Variants in ADK observed in about 807,000 individuals in gnomAD.
The protein encoded by ADK is adenosine kinase, also known as N6,N6-dimethyladenosine kinase.
ADK carries 24 observed loss-of-function variants against 44.7 expected under a neutral mutation model. That is an observed-to-expected ratio of 0.54 (90% CI 0.39 to 0.76). The LOEUF (loss-of-function observed/expected upper bound fraction) is 0.76. Among genes scored for constraint, ADK ranks in the 30% least tolerant of loss-of-function variants. The pLI is 0.00. For missense variants in ADK, 321 were observed against 425.1 expected, an observed-to-expected ratio of 0.76 and a Z score of 2.15; for synonymous variants, 128 against 142.6, an observed-to-expected ratio of 0.90 and a Z score of 0.73.
chr10:74,498,874 G>T (rs903280210), intron 6 of ADK, among the ~76,000 whole-genome samples: 5 of 152,176 alleles, frequency 3.3e-5, no homozygotes, highest in African/African-American at 9.7e-5. Flanking sequence ...ATACTATGCA[G>T]CCATAAAAAA....
chr10:74,296,065 CCT>C (rs1839800882), intron 3 of ADK, among the ~76,000 whole-genome samples: 1 of 74,628 alleles, frequency 1.3e-5, no homozygotes, highest in Non-Finnish European at 3.0e-5. Flanking sequence ...GTATTTAGCT[CCT>C]TTTTTTTTTT....
intron 4 of ADK, among the ~76,000 whole-genome samples, chr10:74,351,592 A>G (rs1260849927): frequency 6.6e-6 from 1 of 152,194 alleles, no homozygotes; most frequent in African/African-American, 2.4e-5. Context: ...AGAAAGAAAT[A>G]AAGCGTATTT....
At chr10:74,398,443 T>A in intron 5 of ADK, 28 bp from the exon 6 acceptor site, 1 of 1,468,462 alleles carries the variant, frequency 6.8e-7, no homozygotes, top group East Asian at 2.3e-5. Flanking sequence ...GACTATAATA[T>A]TACTTGCTTA....
rs7072529 is a variant in ADK, at chr10:74,624,864, G to C, written c.877+24371G>C. ...TGTATTGGTTGAGGTTTTTGGCTGT[G>C]TTTATTTCTAACATTTCTTCCAGTG... On this transcript the variant is annotated intron_variant, in intron 9 of 10. Transcript: ENST00000539909. Among the ~76,000 whole-genome samples the C allele has an allele frequency of 8.1e-3, 1,234 of 152,080 alleles. 22 individuals carry two copies. The highest frequency in any genetic ancestry group is 0.028 in the African/African-American group (1,152 of 41,518).
chr10:74,381,387 A>G (rs1269991152), intron 4 of ADK, among the ~76,000 whole-genome samples: 1 of 152,212 alleles, frequency 6.6e-6, no homozygotes, highest in Non-Finnish European at 1.5e-5. Flanking sequence ...GCCACTTTAT[A>G]GATTCCTTTG....
At chr10:74,214,427 A>G (rs1459753905) in intron 2 of ADK, among the ~76,000 whole-genome samples, 1 of 152,218 alleles carries the variant, frequency 6.6e-6, no homozygotes, top group Non-Finnish European at 1.5e-5. Flanking sequence ...ACTATGTGGC[A>G]ATATTTGTAG....
chr10:74,455,614 A>G lies in ADK; in HGVS notation c.555+57035A>G, dbSNP rs1845916412. Among the ~76,000 whole-genome samples the G allele has an allele frequency of 2.6e-5, 4 of 152,016 alleles. No individual in the cohort carries two copies. The South Asian group carries it at 8.3e-4, about 32-fold the overall frequency. ...AACCTCTGCTTCCCTGGTTCAAGCAATTCTCCTGCCTCAGCTGCCCTAGTA... is the reference window on the plus strand; with the variant it reads ...AACCTCTGCTTCCCTGGTTCAAGCAGTTCTCCTGCCTCAGCTGCCCTAGTA... On this transcript the variant is annotated intron_variant, in intron 6 of 10. Coordinates refer to ENST00000539909, the MANE Select transcript of ADK (RefSeq NM_006721.4).
intron 3 of ADK, among the ~76,000 whole-genome samples, chr10:74,252,116 C>G (rs1845673765): frequency 6.6e-6 from 1 of 151,952 alleles, no homozygotes; most frequent in Non-Finnish European, 1.5e-5. Flanking sequence ...CCTCCTCTCC[C>G]CTCATTTTTG....
intron 3 of ADK, among the ~76,000 whole-genome samples, chr10:74,235,823 G>T (rs916756639): frequency 2.6e-5 from 4 of 152,196 alleles, no homozygotes; most frequent in South Asian, 2.1e-4. Flanking sequence ...GAGGTGATTA[G>T]ATCATGGGGC....
chr10:74,154,825 T>C (rs905385819), intron 1 of ADK, among the ~76,000 whole-genome samples: 1 of 152,220 alleles, frequency 6.6e-6, no homozygotes, highest in Non-Finnish European at 1.5e-5. Flanking sequence ...GTTTAGACTT[T>C]ATCTTTTGCT....
chr10:74,552,994 C>T (rs1850088147), intron 7 of ADK, among the ~76,000 whole-genome samples: 1 of 151,776 alleles, frequency 6.6e-6, no homozygotes, highest in Admixed American at 6.6e-5. Flanking sequence ...GCAGTGGGAC[C>T]ACACATTTGA....
chr10:74,408,680 AT>A (rs1327368351), intron 6 of ADK, among the ~76,000 whole-genome samples: 1 of 152,206 alleles, frequency 6.6e-6, no homozygotes, highest in Non-Finnish European at 1.5e-5. Context: ...ATTAACACGT[AT>A]TTTGTATATG....
At chr10:74,458,721 C>G (rs1846050951) in intron 6 of ADK, among the ~76,000 whole-genome samples, 1 of 152,038 alleles carries the variant, frequency 6.6e-6, no homozygotes, top group African/African-American at 2.4e-5. Flanking sequence ...GCTCCCAAAA[C>G]AAATAAATAA....
chr10:74,620,471 G>C (rs1003627966), intron 9 of ADK, among the ~76,000 whole-genome samples: 8 of 152,154 alleles, frequency 5.3e-5, no homozygotes, highest in African/African-American at 1.9e-4. Context: ...TAGATAAGTA[G>C]TATTCGATCA....
intron 7 of ADK, among the ~76,000 whole-genome samples, chr10:74,570,626 G>A (rs1293981831): frequency 1.3e-5 from 2 of 152,250 alleles, no homozygotes; most frequent in East Asian, 3.9e-4. Flanking sequence ...TGTGATTTTT[G>A]CATATTGATT....
intron 7 of ADK, among the ~76,000 whole-genome samples, chr10:74,578,098 T>C (rs1332819639): frequency 1.5e-5 from 2 of 132,894 alleles, no homozygotes; most frequent in Admixed American, 7.2e-5. Flanking sequence ...GGGATGTGGA[T>C]GTGGAAAATA....
chr10:74,413,386 A>G (rs1368585575), intron 6 of ADK, among the ~76,000 whole-genome samples: 1 of 152,194 alleles, frequency 6.6e-6, no homozygotes, highest in East Asian at 1.9e-4. Flanking sequence ...ACCTTCATCA[A>G]TGATGTTGGC....
At chr10:74,569,798 T>G (rs574081650) in intron 7 of ADK, among the ~76,000 whole-genome samples, 1 of 152,368 alleles carries the variant, frequency 6.6e-6, no homozygotes, top group South Asian at 2.1e-4. Context: ...TTTGTCAATT[T>G]TGACTTTTGT....
chr10:74,194,929 C>T (rs970544559), intron 1 of ADK, among the ~76,000 whole-genome samples: 2 of 152,128 alleles, frequency 1.3e-5, no homozygotes, highest in Non-Finnish European at 2.9e-5. Flanking sequence ...ATTAATATAT[C>T]AATAGCCAAG....
Sources: allele counts gnomAD v4.1 joint callset (sites outside exome capture counted in the v4.1 genomes callset), GRCh38; gene constraint gnomAD v4.1.1; transcripts MANE v1.5; gene names NCBI Gene and HGNC (gene_info 2026-07-23, HGNC 2026-07-21).